The following CACNA1B variants were observed in gnomAD, a reference collection of about 807,000 sequenced individuals.
CACNA1B encodes the protein voltage-dependent N-type calcium channel subunit alpha-1B.
In CACNA1B, 70 loss-of-function variants were observed where a neutral mutation model predicts 247.2. The observed-to-expected ratio is 0.28, with a 90% confidence interval of 0.23 to 0.35. The LOEUF (loss-of-function observed/expected upper bound fraction) is 0.35, where lower values mean the gene tolerates loss of function less well. Ranked by LOEUF, CACNA1B falls within the 10% of genes least tolerant of loss-of-function variation. CACNA1B has a pLI of 1.00. For missense variants in CACNA1B, 2,367 were observed against 3,197.4 expected (o/e 0.74, Z 6.26); for synonymous variants, 1,231 against 1,294.4 (o/e 0.95, Z 1.05).
chr9:137,923,008 G>A (rs1331756005), intron 6 of CACNA1B, among the ~76,000 whole-genome samples: 2 of 152,228 alleles, frequency 1.3e-5, no homozygotes, highest in African/African-American at 4.8e-5. Flanking sequence ...GTCATTTTGA[G>A]AATGTTACGT....
At chr9:138,069,979 G>A (rs544610868) in intron 32 of CACNA1B, among the ~76,000 whole-genome samples, 1 of 152,352 alleles carries the variant, frequency 6.6e-6, no homozygotes, top group South Asian at 2.1e-4. Flanking sequence ...ATTTGATTCT[G>A]GGAACTGGCC....
At chr9:138,049,351 C>T (rs201460647) in intron 24 of CACNA1B, 36 bp downstream of exon 24, 3 of 1,302,656 alleles carry the variant, frequency 2.3e-6, no homozygotes, top group Non-Finnish European at 3.3e-6. Context: ...CTAGGGAGAG[C>T]CCCCAGAATC....
chr9:137,899,071 C>T lies in CACNA1B; in HGVS notation c.531-14109C>T, dbSNP rs1218088186. ...GTAGGTGTGAGCCACCCTGCCTGGC[C>T]TTCTTTTTTCTCTCTTTCTTTCTTT... On this transcript the variant is annotated intron_variant, in intron 3 of 46. Transcript: ENST00000371372. This position sits in a 1 kb window ranked among gnomAD's most constrained non-coding sequence, Gnocchi z 5.0. 6.6e-6 allele frequency among the ~76,000 whole-genome samples: 1 copy of T among 151,620 alleles called. No individual in the cohort carries two copies. Among genetic ancestry groups the T allele is most frequent in the Non-Finnish European group, 1.5e-5 (1 of 67,918 alleles).
At chr9:137,923,878 G>T (rs1347642619) in intron 6 of CACNA1B, among the ~76,000 whole-genome samples, 1 of 152,210 alleles carries the variant, frequency 6.6e-6, no homozygotes, top group Admixed American at 6.5e-5. Flanking sequence ...TAATTCGCAT[G>T]TCCTAACAGT....
At chr9:138,028,462 T>A (rs1297176813) in intron 20 of CACNA1B, among the ~76,000 whole-genome samples, 1 of 152,246 alleles carries the variant, frequency 6.6e-6, no homozygotes, top group Non-Finnish European at 1.5e-5. Flanking sequence ...CTTCACATAT[T>A]GTTTCCTGAT....
chr9:137,916,038 T>TC (rs1957406743), intron 5 of CACNA1B, among the ~76,000 whole-genome samples: 1 of 150,390 alleles, frequency 6.6e-6, no homozygotes, highest in African/African-American at 2.4e-5. Flanking sequence ...CAATTTTTTT[T>TC]TTTTTTTTTT....
chr9:138,068,614 G>C (rs1960013825), intron 31 of CACNA1B: 1 of 518,930 alleles, frequency 1.9e-6, no homozygotes, highest in Non-Finnish European at 3.8e-6. Context: ...CTTGGAAACA[G>C]AAATCTTTAT....
chr9:138,055,752 C>T (rs539510524), intron 26 of CACNA1B, among the ~76,000 whole-genome samples: 4 of 152,104 alleles, frequency 2.6e-5, no homozygotes, highest in Non-Finnish European at 4.4e-5. Context: ...TTAGGCCAGG[C>T]GCGGTGGCTC....
chr9:138,027,590 TTGTG>T (rs745510864), intron 20 of CACNA1B, among the ~76,000 whole-genome samples: 1 of 152,008 alleles, frequency 6.6e-6, no homozygotes, highest in African/African-American at 2.4e-5. Flanking sequence ...GTGTGTCTGT[TTGTG>T]TGTGTGTAAA....
At chr9:138,064,695 C>T (rs781051948) in intron 31 of CACNA1B, among the ~76,000 whole-genome samples, 3 of 152,218 alleles carry the variant, frequency 2.0e-5, no homozygotes, top group Non-Finnish European at 2.9e-5. Context: ...GCCATTGAGG[C>T]CTCGCTGCCC....
intron 6 of CACNA1B, among the ~76,000 whole-genome samples, chr9:137,934,489 A>G (rs1037857967): frequency 6.6e-6 from 1 of 152,224 alleles, no homozygotes; most frequent in African/African-American, 2.4e-5. Flanking sequence ...TTGTATCGTG[A>G]ACTTTTGCTC....
rs201255729 is a variant in CACNA1B, at chr9:138,059,623, G to A, written c.4585-31G>A. The stretch of plus-strand genomic sequence containing the variant: ...TTTGCCAACAGAGCCCTCATCAGCC[G>A]CTGGCACTAACTGCTCTTCTTTTTC... On this transcript the variant is annotated intron_variant, in intron 30 of 46. Coordinates refer to ENST00000371372, the MANE Select transcript of CACNA1B (RefSeq NM_000718.4). The surrounding 1 kb of genome is among the most constrained non-coding windows in gnomAD (Gnocchi z 4.2). 19 of 1,312,576 alleles carry A rather than the reference G, an allele frequency of 1.4e-5. No homozygotes were observed. Among genetic ancestry groups the A allele is most frequent in the East Asian group, 2.3e-5 (1 of 43,510 alleles). 81.3% of individuals were successfully genotyped at this position (1,312,576 alleles called of 1,614,324 possible).
intron 20 of CACNA1B, among the ~76,000 whole-genome samples, chr9:138,036,221 C>G (rs960275222): frequency 3.3e-5 from 5 of 152,208 alleles, no homozygotes; most frequent in Admixed American, 1.3e-4. Flanking sequence ...CTCACTGCAA[C>G]CTCCGCCTCC....
At chr9:137,956,737 A>G in intron 8 of CACNA1B, 34 bp from the exon 9 acceptor site, 1 of 1,597,540 alleles carries the variant, frequency 6.3e-7, no homozygotes, top group Non-Finnish European at 8.6e-7. Flanking sequence ...TGGGGTCAGG[A>G]GGGCTCTGAC....
At chr9:137,940,952 AC>A (rs1212607313) in intron 6 of CACNA1B, among the ~76,000 whole-genome samples, 1 of 152,200 alleles carries the variant, frequency 6.6e-6, no homozygotes, top group Non-Finnish European at 1.5e-5. Context: ...CCCACAGTCA[AC>A]ATAATACAGA....
chr9:138,083,601 A>T (rs1960599553), intron 36 of CACNA1B, among the ~76,000 whole-genome samples: 2 of 128,180 alleles, frequency 1.6e-5, no homozygotes. Flanking sequence ...AGTGCCCTGG[A>T]TGAACTGAGG....
intron 3 of CACNA1B, among the ~76,000 whole-genome samples, chr9:137,904,766 G>A (rs1957279093): frequency 6.6e-6 from 1 of 152,050 alleles, no homozygotes; most frequent in Non-Finnish European, 1.5e-5. Flanking sequence ...TCTTAACCAA[G>A]TTCCTGGGAG....
chr9:137,995,832 A>C (rs1438780376), intron 15 of CACNA1B, among the ~76,000 whole-genome samples: 2 of 152,212 alleles, frequency 1.3e-5, no homozygotes, highest in Admixed American at 1.3e-4. Flanking sequence ...GCAAGAAAAA[A>C]ACAAACAATC....
intron 10 of CACNA1B, among the ~76,000 whole-genome samples, chr9:137,967,643 C>T (rs1319137639): frequency 6.6e-6 from 1 of 152,220 alleles, no homozygotes; most frequent in East Asian, 1.9e-4. Flanking sequence ...AGGTGCCCTT[C>T]CTTGTTCCCC....
Sources: allele counts gnomAD v4.1 joint callset (sites outside exome capture counted in the v4.1 genomes callset), GRCh38; gene constraint gnomAD v4.1.1; non-coding constraint Gnocchi (gnomAD v3.1); transcripts MANE v1.5; gene names NCBI Gene and HGNC (gene_info 2026-07-23, HGNC 2026-07-21).